MN1: variants seen among roughly 807,000 people sequenced by gnomAD.
The protein encoded by MN1 is transcriptional activator MN1.
In MN1, 19 loss-of-function variants were observed where a neutral mutation model predicts 86.9. That is an observed-to-expected ratio of 0.22 (90% CI 0.15 to 0.32). The LOEUF (loss-of-function observed/expected upper bound fraction) is 0.32. Among genes scored for constraint, MN1 ranks in the 10% least tolerant of loss-of-function variants. MN1 has a pLI of 1.00. For missense variants in MN1, 1,841 were observed against 1,862.0 expected, an observed-to-expected ratio of 0.99 and a Z score of 0.21; for synonymous variants, 928 against 849.6, an observed-to-expected ratio of 1.09 and a Z score of -1.60.
At chr22:27,779,380 T>TGTCCCA (rs1933021961) in intron 1 of MN1, among the ~76,000 whole-genome samples, 1 of 152,126 alleles carries the variant, frequency 6.6e-6, no homozygotes, top group Non-Finnish European at 1.5e-5. Flanking sequence ...GCCCCCAGGC[T>TGTCCCA]AGGGGTTCGA....
At chr22:27,768,073 CAGAA>C (rs1932884224) in intron 1 of MN1, among the ~76,000 whole-genome samples, 1 of 151,972 alleles carries the variant, frequency 6.6e-6, no homozygotes, top group Non-Finnish European at 1.5e-5. Flanking sequence ...TTCCCCACAC[CAGAA>C]AGAGAGACAG....
chr22:27,765,850 G>A (rs1005698300), intron 1 of MN1, among the ~76,000 whole-genome samples: 3 of 152,154 alleles, frequency 2.0e-5, no homozygotes, highest in East Asian at 1.9e-4. Flanking sequence ...GGAGAGAGAC[G>A]GGGAGCAGCA....
At chr22:27,794,907 G>A (rs1933267418) in intron 1 of MN1, among the ~76,000 whole-genome samples, 1 of 151,640 alleles carries the variant, frequency 6.6e-6, no homozygotes, top group Non-Finnish European at 1.5e-5. Flanking sequence ...AGGGGAAGGG[G>A]GAGGGGCGGC....
At chr22:27,755,611 G>A (rs964528506) in intron 1 of MN1, among the ~76,000 whole-genome samples, 1 of 152,110 alleles carries the variant, frequency 6.6e-6, no homozygotes, top group African/African-American at 2.4e-5. Context: ...ACAAATCCTC[G>A]CTGATCTTCC....
chr22:27,765,229 C>T (rs903332617), intron 1 of MN1, among the ~76,000 whole-genome samples: 1 of 152,220 alleles, frequency 6.6e-6, no homozygotes. Flanking sequence ...AAGCCAGGCA[C>T]CCAGTAGGTG....
chr22:27,772,550 A>T (rs1932927714), intron 1 of MN1, among the ~76,000 whole-genome samples: 1 of 152,116 alleles, frequency 6.6e-6, no homozygotes, highest in South Asian at 2.1e-4. Flanking sequence ...AGTGCTCCAC[A>T]GCTTGACATC....
In MN1 at chr22:27,798,252, G is replaced by T. The variant is rs751992136; in HGVS notation, c.2292C>A (p.Asn764Lys). The change falls in exon 1 of 2, where the codon AAC becomes AAA. Residue 764 changes from asparagine (N) to lysine (K), a missense_variant. Asn to Lys is a moderately conservative substitution (Grantham distance 94, BLOSUM62 0). Coordinates refer to ENST00000302326, the MANE Select transcript of MN1 (RefSeq NM_002430.3). ...CGCCCCCTCCCGCGCTGGGGGGCGA[G>T]TTCACGCCTGGACCGCTGTGCGGCG... Reference protein sequence around the residue: ...QSTPHSGPGVNSPPSAGGGGG... With the variant: ...QSTPHSGPGVKSPPSAGGGGG... 86 of 1,521,406 alleles carry T rather than the reference G, an allele frequency of 5.7e-5. No homozygotes were observed. Among genetic ancestry groups the T allele is most frequent in the Non-Finnish European group, 7.5e-5 (86 of 1,145,464 alleles). 94.2% of individuals were successfully genotyped at this position (1,521,406 alleles called of 1,614,324 possible).
chr22:27,755,129 C>A (rs1410961473), intron 1 of MN1, among the ~76,000 whole-genome samples: 1 of 152,212 alleles, frequency 6.6e-6, no homozygotes, highest in Non-Finnish European at 1.5e-5. Context: ...GTGGCTCTCT[C>A]CTCTCAGCCC....
chr22:27,762,109 C>T (rs1932839009), intron 1 of MN1, among the ~76,000 whole-genome samples: 1 of 152,160 alleles, frequency 6.6e-6, no homozygotes, highest in Non-Finnish European at 1.5e-5. Context: ...CTGGCACCTC[C>T]GGCCACGCAG....
At chr22:27,755,653 C>G (rs1462107499) in intron 1 of MN1, among the ~76,000 whole-genome samples, 1 of 152,188 alleles carries the variant, frequency 6.6e-6, no homozygotes, top group East Asian at 1.9e-4. Context: ...CACCCCTGCC[C>G]TGAACACCAC....
intron 1 of MN1, among the ~76,000 whole-genome samples, chr22:27,770,150 T>G (rs917696655): frequency 2.0e-5 from 3 of 152,132 alleles, no homozygotes; most frequent in African/African-American, 7.2e-5. Flanking sequence ...TCTTACAACC[T>G]TCCCTCCCAA....
chr22:27,792,346 ATATAT>A lies in MN1; in HGVS notation c.3781+4412_3781+4416del, dbSNP rs1568980743. ...TATATATATATATATATATATATAT[ATATAT>A]GAATATATAAATATATTTTGCATAT... On this transcript the variant is annotated intron_variant, in intron 1 of 1. Coordinates refer to ENST00000302326, the MANE Select transcript of MN1 (RefSeq NM_002430.3). 4.9e-3 allele frequency among the ~76,000 whole-genome samples: 684 copies of A among 139,090 alleles called. 4 individuals are homozygous for A. The highest frequency in any genetic ancestry group is 7.4e-3 in the Admixed American group (101 of 13,698). 91.2% of individuals were successfully genotyped at this position (139,090 alleles called of 152,430 possible).
chr22:27,759,994 G>A (rs1409485150), intron 1 of MN1, among the ~76,000 whole-genome samples: 2 of 152,184 alleles, frequency 1.3e-5, no homozygotes, highest in African/African-American at 2.4e-5. Flanking sequence ...CAGGTGGGAG[G>A]ATTGCTTAAG....
intron 1 of MN1, among the ~76,000 whole-genome samples, chr22:27,777,942 G>A (rs1053501419): frequency 4.0e-4 from 61 of 152,156 alleles, no homozygotes; most frequent in African/African-American, 1.4e-3. Flanking sequence ...TCCTGAGTCA[G>A]TGACCCAGGC....
intron 1 of MN1, among the ~76,000 whole-genome samples, chr22:27,778,916 T>C (rs1484835702): frequency 1.3e-5 from 2 of 152,116 alleles, no homozygotes; most frequent in Admixed American, 1.3e-4. Flanking sequence ...CTAAGACCAG[T>C]GTTCTCAAGG....
Position 27,798,715 on chromosome 22 carries a change from G to C in MN1, c.1829C>G (p.Thr610Arg). Reference sequence around the variant, plus strand: ...GAAGGTGCCCAGACGCCCGGCGCCCGTGCTGCCGCCTTCGCGCTCAAAGTT... The same window carrying C: ...GAAGGTGCCCAGACGCCCGGCGCCCCTGCTGCCGCCTTCGCGCTCAAAGTT... ...QPNFEREGGS[T>R]GAGRLGTFEQ... Residue 610 changes from threonine (T) to arginine (R), a missense_variant, in exon 1 of 2, where the codon ACG (threonine) becomes AGG (arginine). Coordinates refer to ENST00000302326, the MANE Select transcript of MN1 (RefSeq NM_002430.3). 1 of 1,535,668 alleles carries C rather than the reference G, an allele frequency of 6.5e-7. No homozygotes were observed. The highest frequency in any genetic ancestry group is 1.2e-5 in the South Asian group (1 of 83,964).
At position 27,750,852 on chromosome 22, in the gene MN1, G is replaced by C. The variant is rs989884543; in HGVS notation, c.*63C>G. The C allele has an allele frequency of 7.0e-7, 1 of 1,424,730 alleles. No homozygotes were observed. The highest frequency in any genetic ancestry group is 2.4e-5 in the East Asian group (1 of 41,730). 88.3% of individuals were successfully genotyped at this position (1,424,730 alleles called of 1,614,324 possible). On this transcript the variant is annotated 3_prime_UTR_variant, in exon 2 of 2. Transcript: ENST00000302326. ...TAACAGAGGGGTGGGGTAAGGTTGA[G>C]GGGGAAGGAAACAGACAGGGGGAGA...
rs1035050548 is a variant in MN1 at position 27,781,837 on chromosome 22, C to T, written c.3781+14926G>A. On this transcript the variant is annotated intron_variant, in intron 1 of 1. Coordinates refer to ENST00000302326, the MANE Select transcript of MN1 (RefSeq NM_002430.3). ...CTCCCACTATCTCCTGGGGCAGGGA[C>T]GCTCATTCACTCTCAAGCTCTCTCT... is the stretch of plus-strand genomic sequence containing the variant. Among the ~76,000 whole-genome samples the T allele has an allele frequency of 3.3e-5, 5 of 152,248 alleles. No individual in the cohort carries two copies. The South Asian group carries it at 8.3e-4, about 25-fold the overall frequency.
At chr22:27,782,299 C>T (rs113343126) in intron 1 of MN1, among the ~76,000 whole-genome samples, 11 of 152,184 alleles carry the variant, frequency 7.2e-5, no homozygotes, top group Non-Finnish European at 8.8e-5. Flanking sequence ...AAATTGCTGA[C>T]GCAGGGGCAG....
Sources: allele counts gnomAD v4.1 joint callset (sites outside exome capture counted in the v4.1 genomes callset), GRCh38; gene constraint gnomAD v4.1.1; transcripts MANE v1.5; gene names NCBI Gene and HGNC (gene_info 2026-07-23, HGNC 2026-07-21).